Variants in MARCHF1 observed in about 807,000 individuals in gnomAD.
MARCHF1 encodes the protein E3 ubiquitin-protein ligase MARCHF1.
MARCHF1 carries 40 observed loss-of-function variants against 54.2 expected under a neutral mutation model. The ratio of observed to expected loss-of-function variants is 0.74; its 90% CI spans 0.57 to 0.96. The LOEUF is 0.96. Among genes scored for constraint, MARCHF1 ranks in the 40% least tolerant of loss-of-function variants. MARCHF1 has a pLI of 0.00. For missense variants in MARCHF1, 586 were observed against 656.5 expected, an observed-to-expected ratio of 0.89 and a Z score of 1.17; for synonymous variants, 236 against 236.3, an observed-to-expected ratio of 1.00 and a Z score of 0.01.
At chr4:164,231,247 A>G (rs1007397879) in intron 1 of MARCHF1, among the ~76,000 whole-genome samples, 2 of 152,172 alleles carry the variant, frequency 1.3e-5, no homozygotes, top group Non-Finnish European at 2.9e-5. Flanking sequence ...GGTGAAATAA[A>G]AGTACATGTC....
At chr4:164,381,168 T>G (rs1349925438) in intron 1 of MARCHF1, among the ~76,000 whole-genome samples, 1 of 152,212 alleles carries the variant, frequency 6.6e-6, no homozygotes, top group African/African-American at 2.4e-5. Flanking sequence ...GGCTTTATTT[T>G]TGCCCTATAA....
At chr4:164,064,352 T>C (rs953125291) in intron 2 of MARCHF1, among the ~76,000 whole-genome samples, 3 of 152,230 alleles carry the variant, frequency 2.0e-5, no homozygotes, top group South Asian at 2.1e-4. Context: ...CAGTGGTTTA[T>C]AGTCCTCCTT....
At chr4:164,371,139 A>C (rs1731025554) in intron 1 of MARCHF1, among the ~76,000 whole-genome samples, 1 of 152,168 alleles carries the variant, frequency 6.6e-6, no homozygotes, top group Admixed American at 6.5e-5. Context: ...TATGGCACCT[A>C]GATATGCCAG....
chr4:163,927,163 G>C lies in MARCHF1; in HGVS notation c.-39+61338C>G, dbSNP rs1003641744. Among the ~76,000 whole-genome samples, 3 of 151,718 alleles carry C rather than the reference G, an allele frequency of 2.0e-5. No homozygotes were observed. The South Asian group carries it at 6.2e-4, about 31-fold the overall frequency. On this transcript the variant is annotated intron_variant, in intron 3 of 9. Coordinates refer to ENST00000514618, the MANE Select transcript of MARCHF1 (RefSeq NM_001394959.1). The stretch of plus-strand genomic sequence containing the variant: ...TTTTACAATGAGGCTTCACACTTTT[G>C]ACATGTAAGATGGAAAAGCGCAACT...
intron 2 of MARCHF1, among the ~76,000 whole-genome samples, chr4:164,018,015 G>A (rs1753581251): frequency 6.6e-6 from 1 of 151,796 alleles, no homozygotes; most frequent in Admixed American, 6.6e-5. Flanking sequence ...GCAGTCAATT[G>A]ATTTTTCTAC....
intron 3 of MARCHF1, among the ~76,000 whole-genome samples, chr4:163,868,767 TAA>T (rs146541576): frequency 6.6e-6 from 1 of 151,232 alleles, no homozygotes; most frequent in East Asian, 1.9e-4. Flanking sequence ...ACTGGTGATT[TAA>T]AAAAAAATGT....
chr4:163,847,515 T>C (rs1043592680), intron 4 of MARCHF1, among the ~76,000 whole-genome samples: 1 of 151,034 alleles, frequency 6.6e-6, no homozygotes, highest in African/African-American at 2.4e-5. Context: ...CTACTACCTT[T>C]TTTTTTCATT....
At chr4:164,081,711 C>T (rs917649181) in intron 2 of MARCHF1, among the ~76,000 whole-genome samples, 2 of 143,180 alleles carry the variant, frequency 1.4e-5, no homozygotes, top group Non-Finnish European at 3.0e-5. Context: ...CATGCATATA[C>T]ACACACACAC....
At chr4:164,326,638 A>G (rs946630500) in intron 1 of MARCHF1, among the ~76,000 whole-genome samples, 1 of 152,204 alleles carries the variant, frequency 6.6e-6, no homozygotes, top group African/African-American at 2.4e-5. Flanking sequence ...GTAGAGCAGA[A>G]CTATATCTAT....
At chr4:163,595,993 A>G (rs1459941132) in intron 7 of MARCHF1, among the ~76,000 whole-genome samples, 1 of 151,974 alleles carries the variant, frequency 6.6e-6, no homozygotes, top group African/African-American at 2.4e-5. Context: ...TTGGCATATT[A>G]GATAAGAAAG....
At chr4:163,733,258 T>TATACACATGTATATATACACACAC (rs1554008879) in intron 4 of MARCHF1, among the ~76,000 whole-genome samples, 3 of 45,060 alleles carry the variant, frequency 6.7e-5, no homozygotes, top group African/African-American at 1.3e-4. Context: ...TATATATATA[T>TATACACATGTATATATACACACAC]ACACACACAC....
At chr4:163,972,215 G>A (rs2110841286) in intron 3 of MARCHF1, among the ~76,000 whole-genome samples, 1 of 152,266 alleles carries the variant, frequency 6.6e-6, no homozygotes, top group Non-Finnish European at 1.5e-5. Context: ...GGGAGCTAGG[G>A]GAGGGATAGT....
At chr4:164,269,192 C>A (rs1194512484) in intron 1 of MARCHF1, among the ~76,000 whole-genome samples, 4 of 152,056 alleles carry the variant, frequency 2.6e-5, no homozygotes, top group Admixed American at 1.3e-4. Context: ...GGGTGTGTGT[C>A]CACGATAAGC....
At chr4:164,359,346 G>A (rs1284317653) in intron 1 of MARCHF1, among the ~76,000 whole-genome samples, 1 of 152,114 alleles carries the variant, frequency 6.6e-6, no homozygotes, top group Non-Finnish European at 1.5e-5. Context: ...TAAAAGTTCT[G>A]AACAAACTTC....
chr4:163,604,906 C>CTA (rs1579104645), intron 7 of MARCHF1, among the ~76,000 whole-genome samples: 1 of 152,034 alleles, frequency 6.6e-6, no homozygotes, highest in East Asian at 1.9e-4. Flanking sequence ...GGGAAATGCT[C>CTA]TACTAGATGC....
At chr4:163,602,661 A>G (rs1741010084) in intron 7 of MARCHF1, among the ~76,000 whole-genome samples, 1 of 152,132 alleles carries the variant, frequency 6.6e-6, no homozygotes, top group Admixed American at 6.6e-5. Flanking sequence ...AATAAATCTG[A>G]ACTTTCTTAA....
At chr4:163,863,431 A>C (rs1302404244) in intron 3 of MARCHF1, among the ~76,000 whole-genome samples, 1 of 152,102 alleles carries the variant, frequency 6.6e-6, no homozygotes, top group Non-Finnish European at 1.5e-5. Flanking sequence ...CAGAACAATT[A>C]GACAGAGGTT....
chr4:163,529,576 G>C (rs972399756), intron 9 of MARCHF1, among the ~76,000 whole-genome samples: 3 of 151,964 alleles, frequency 2.0e-5, no homozygotes, highest in African/African-American at 7.2e-5. Flanking sequence ...GAAGGAAAAA[G>C]CTGCCACATC....
chr4:163,873,046 A>AC lies in MARCHF1; in HGVS notation c.-38-18878_-38-18877insG, dbSNP rs1458446044. Among the ~76,000 whole-genome samples, 88 of 136,690 alleles carry AC rather than the reference A, an allele frequency of 6.4e-4. 2 individuals are homozygous for AC. In the South Asian group the frequency reaches 0.02, roughly 31 times the overall value. 89.7% of individuals were successfully genotyped at this position (136,690 alleles called of 152,430 possible). A position where few individuals can be genotyped will look rare whatever the true frequency, so the allele number is the denominator to read the frequency against. On this transcript the variant is annotated intron_variant, in intron 3 of 9. Transcript: ENST00000514618. ...GCGACAGAGCGAGACTCCGTCTCAA[A>AC]AAAAAAACAAACAAACAAACAAAAA...
Sources: allele counts gnomAD v4.1 joint callset (sites outside exome capture counted in the v4.1 genomes callset), GRCh38; gene constraint gnomAD v4.1.1; transcripts MANE v1.5; gene names NCBI Gene and HGNC (gene_info 2026-07-23, HGNC 2026-07-21).